The following ARHGEF28 variants were observed in gnomAD, a reference collection of about 807,000 sequenced individuals.
The protein encoded by ARHGEF28 is Rho guanine nucleotide exchange factor 28.
In ARHGEF28, 152 loss-of-function variants were observed where a neutral mutation model predicts 206.6. The ratio of observed to expected loss-of-function variants is 0.74; its 90% CI spans 0.64 to 0.84. The LOEUF (loss-of-function observed/expected upper bound fraction) is 0.84, where lower values mean the gene tolerates loss of function less well. ARHGEF28 is among the 40% of genes least tolerant of loss of function. The pLI is 0.00. For synonymous variants in ARHGEF28, 763 were observed against 776.4 expected (o/e 0.98, Z 0.29); for missense variants, 2,028 against 2,073.2 (o/e 0.98, Z 0.42).
intron 9 of ARHGEF28, among the ~76,000 whole-genome samples, chr5:73,804,235 A>T: frequency 6.6e-6 from 1 of 152,146 alleles, no homozygotes; most frequent in East Asian, 1.9e-4. Flanking sequence ...TTCATCTGCC[A>T]CACAGGTGCC....
intron 9 of ARHGEF28, among the ~76,000 whole-genome samples, chr5:73,828,862 C>T (rs190397961): frequency 5.3e-5 from 8 of 152,006 alleles, no homozygotes; most frequent in African/African-American, 1.7e-4. Flanking sequence ...ATTCTGTCGT[C>T]CAGGCTGGAG....
intron 1 of ARHGEF28, among the ~76,000 whole-genome samples, chr5:73,628,061 C>T (rs1743118424): frequency 6.6e-6 from 1 of 151,882 alleles, no homozygotes; most frequent in African/African-American, 2.4e-5. Context: ...TATGAAATGT[C>T]TCAGAAGCCT....
chr5:73,740,392 G>A (rs1360706739), intron 2 of ARHGEF28, among the ~76,000 whole-genome samples: 1 of 152,092 alleles, frequency 6.6e-6, no homozygotes, highest in African/African-American at 2.4e-5. Flanking sequence ...AAGCAAAACA[G>A]AAAAACAAAC....
intron 9 of ARHGEF28, among the ~76,000 whole-genome samples, chr5:73,828,604 CTCCTT>C (rs1177495099): frequency 6.8e-6 from 1 of 147,734 alleles, no homozygotes; most frequent in African/African-American, 2.6e-5. Context: ...TTTTTCCTTT[CTCCTT>C]TCCTTTCTTT....
At chr5:73,658,988 C>CACACGT (rs1745412562) in intron 1 of ARHGEF28, among the ~76,000 whole-genome samples, 1 of 75,916 alleles carries the variant, frequency 1.3e-5, no homozygotes, top group South Asian at 4.8e-4. Flanking sequence ...CACACACACA[C>CACACGT]ACACACACAC....
At chr5:73,651,837 C>T (rs1744855311) in intron 1 of ARHGEF28, among the ~76,000 whole-genome samples, 1 of 152,124 alleles carries the variant, frequency 6.6e-6, no homozygotes, top group South Asian at 2.1e-4. Context: ...TCAATTCTTG[C>T]AAGGGGAGAG....
intron 1 of ARHGEF28, among the ~76,000 whole-genome samples, chr5:73,648,095 A>G (rs892812668): frequency 2.6e-5 from 4 of 152,254 alleles, no homozygotes; most frequent in Admixed American, 6.5e-5. Flanking sequence ...AATAAAAGCA[A>G]GTATATAAAA....
intron 2 of ARHGEF28, among the ~76,000 whole-genome samples, chr5:73,706,927 A>C (rs374150816): frequency 2.0e-5 from 3 of 152,334 alleles, no homozygotes; most frequent in African/African-American, 7.2e-5. Flanking sequence ...CTTAACTTGC[A>C]GGGCTGTTTA....
chr5:73,848,856 T>C, intron 12 of ARHGEF28, 120 bp from the exon 13 acceptor site: 1 of 703,526 alleles, frequency 1.4e-6, no homozygotes, highest in Non-Finnish European at 2.4e-6. Flanking sequence ...TGAGATCATA[T>C]CAGAAATGTT....
rs1383101765 is a variant in ARHGEF28, at chr5:73,704,726, T to C, written c.33+19842T>C. On this transcript the variant is annotated intron_variant, in intron 2 of 35. Transcript: ENST00000513042. Reference sequence around the variant, plus strand: ...AGGCATGAGCCACCACACCCGCCCATTACTATTATTTTTTTAAATAAAGGC... The same window carrying C: ...AGGCATGAGCCACCACACCCGCCCACTACTATTATTTTTTTAAATAAAGGC... Among the ~76,000 whole-genome samples, 9 of 152,122 alleles carry C rather than the reference T, an allele frequency of 5.9e-5. No individual in the cohort carries two copies. The East Asian group carries it at 1.7e-3, about 29-fold the overall frequency.
At chr5:73,872,964 CTTGT>C (rs1379212064) in intron 21 of ARHGEF28, 31 bp from the exon 22 acceptor site, 3 of 1,593,000 alleles carry the variant, frequency 1.9e-6, no homozygotes, top group East Asian at 2.2e-5. Flanking sequence ...CTTTTTAAAG[CTTGT>C]TTAAGGCTTA....
chr5:73,906,441 T>C (rs1420535647), intron 33 of ARHGEF28, among the ~76,000 whole-genome samples: 2 of 152,152 alleles, frequency 1.3e-5, no homozygotes, highest in African/African-American at 4.8e-5. Flanking sequence ...GGCTGCAGTC[T>C]AACTCCTGGG....
At chr5:73,858,396 A>G (rs1243398351) in intron 16 of ARHGEF28, among the ~76,000 whole-genome samples, 177 bp downstream of exon 16, 1 of 144,946 alleles carries the variant, frequency 6.9e-6, no homozygotes, top group Non-Finnish European at 1.5e-5. Flanking sequence ...TCCATAACTG[A>G]TAGCCTGTCT....
intron 2 of ARHGEF28, among the ~76,000 whole-genome samples, chr5:73,720,699 C>T (rs1561356234): frequency 6.6e-6 from 1 of 152,144 alleles, no homozygotes. Flanking sequence ...CTGGATGGAC[C>T]AGAGCTGTGC....
intron 1 of ARHGEF28, among the ~76,000 whole-genome samples, chr5:73,674,851 C>T (rs899155165): frequency 2.0e-4 from 31 of 152,186 alleles, no homozygotes; most frequent in African/African-American, 7.5e-4. Flanking sequence ...GATGGCAGAA[C>T]ACGTGGAGGT....
chr5:73,749,096 C>T (rs1316626662), intron 2 of ARHGEF28, among the ~76,000 whole-genome samples: 1 of 152,166 alleles, frequency 6.6e-6, no homozygotes, highest in Non-Finnish European at 1.5e-5. Flanking sequence ...GGCTTTGTGC[C>T]AACCAGAAGC....
At chr5:73,700,421 A>G (rs1001648973) in intron 2 of ARHGEF28, among the ~76,000 whole-genome samples, 20 of 152,216 alleles carry the variant, frequency 1.3e-4, no homozygotes, top group Non-Finnish European at 2.8e-4. Context: ...AGAGGAAAAA[A>G]GTTAAAAAGA....
rs747665438 is a variant in ARHGEF28 at position 73,883,794 on chromosome 5, C to T, written c.2965C>T (p.Arg989Cys). 3.6e-5 allele frequency: 56 copies of T among 1,563,464 alleles called. No homozygotes were observed. The highest frequency in any genetic ancestry group is 3.4e-4 in the South Asian group (28 of 82,636). ...KLRNSNLLARRRGIPECILLV... is the reference protein window; with the variant it reads ...KLRNSNLLARCRGIPECILLV... ...CCGAAATAGTAATCTTTTGGCTCGA[C>T]GCCGAGGAATTCCAGAATGCATTCT... Residue 989 changes from arginine (R) to cysteine (C), a missense_variant, in exon 24 of 36, where the codon CGC (arginine) becomes TGC (cysteine). Around this residue, in one of 3 missense-constraint regions of ARHGEF28, gnomAD observed 223 missense variants for 289.9 expected, o/e 0.77. Coordinates refer to ENST00000513042, the MANE Select transcript of ARHGEF28 (RefSeq NM_001177693.2).
At chr5:73,706,094 A>T (rs146443195) in intron 2 of ARHGEF28, among the ~76,000 whole-genome samples, 1 of 152,138 alleles carries the variant, frequency 6.6e-6, no homozygotes, top group East Asian at 1.9e-4. Flanking sequence ...AGGGGCTTGC[A>T]TTTTCACACC....
Sources: allele counts gnomAD v4.1 joint callset (sites outside exome capture counted in the v4.1 genomes callset), GRCh38; gene constraint gnomAD v4.1.1; regional missense constraint gnomAD v4.1.1; transcripts MANE v1.5; gene names NCBI Gene and HGNC (gene_info 2026-07-23, HGNC 2026-07-21).